MCTP1: variants seen among roughly 807,000 people sequenced by gnomAD.
The protein encoded by MCTP1 is multiple C2 and transmembrane domain-containing protein 1.
A neutral mutation model predicts 120.6 loss-of-function variants in MCTP1; 69 were observed. That is an observed-to-expected ratio of 0.57 (90% CI 0.47 to 0.70). The LOEUF is 0.70. Ranked by LOEUF, MCTP1 falls within the 30% of genes least tolerant of loss-of-function variation. The probability of loss-of-function intolerance (pLI) is 0.00; values close to 1 mark genes in which losing one functional copy is unlikely to be tolerated. For synonymous variants in MCTP1, 529 were observed against 493.1 expected (o/e 1.07, Z -0.96); for missense variants, 1,203 against 1,248.8 (o/e 0.96, Z 0.55).
At chr5:94,958,838 G>A (rs554682478) in intron 2 of MCTP1, among the ~76,000 whole-genome samples, 2 of 152,244 alleles carry the variant, frequency 1.3e-5, no homozygotes, top group African/African-American at 4.8e-5. Context: ...TCTACCAGAG[G>A]TACAAAGAGG....
chr5:95,251,574 G>T (rs891376148), intron 1 of MCTP1, among the ~76,000 whole-genome samples: 3 of 152,104 alleles, frequency 2.0e-5, no homozygotes, highest in Non-Finnish European at 2.9e-5. Flanking sequence ...TTTAAGTTGA[G>T]ATTTCTTATC....
intron 3 of MCTP1, among the ~76,000 whole-genome samples, chr5:94,951,665 A>C (rs886760795): frequency 2.0e-5 from 3 of 151,374 alleles, no homozygotes; most frequent in Admixed American, 2.0e-4. Flanking sequence ...TCTTTTCTTT[A>C]TTCCTTTTTC....
chr5:95,005,307 T>C (rs149509839), intron 2 of MCTP1, among the ~76,000 whole-genome samples: 7 of 152,338 alleles, frequency 4.6e-5, no homozygotes, highest in African/African-American at 1.4e-4. Flanking sequence ...ACTTGCCTTG[T>C]TTCAGATGAG....
In MCTP1 at chr5:94,981,603, T is replaced by G. The variant is rs74586116; in HGVS notation, c.839-28242A>C. 6.5e-3 allele frequency among the ~76,000 whole-genome samples: 991 copies of G among 152,244 alleles called. 11 individuals are homozygous for G. The highest frequency in any genetic ancestry group is 0.023 in the African/African-American group (946 of 41,552). ...GCCAATATATGAGCATACAGTGTGC[T>G]GTGTGGTGATCAGAGCATGGAACAA... On this transcript the variant is annotated intron_variant, in intron 2 of 22. Transcript: ENST00000515393.
chr5:95,116,137 C>A (rs1181805292), intron 1 of MCTP1, among the ~76,000 whole-genome samples: 2 of 151,962 alleles, frequency 1.3e-5, no homozygotes, highest in African/African-American at 4.8e-5. Context: ...CCAGACCTAT[C>A]CTACAAAAAA....
At position 94,783,700 on chromosome 5, in the gene MCTP1, A is replaced by G. The variant is rs149314792; in HGVS notation, c.2557-4537T>C. ...TTGCTTTTTAACACCAATTTAAGGTATATGTTTAATATGACAAGAGGGGGT... is the reference window on the plus strand; with the variant it reads ...TTGCTTTTTAACACCAATTTAAGGTGTATGTTTAATATGACAAGAGGGGGT... On this transcript the variant is annotated intron_variant, in intron 18 of 22. Transcript: ENST00000515393. 5.7e-3 allele frequency among the ~76,000 whole-genome samples: 860 copies of G among 152,196 alleles called. 8 individuals carry two copies. Among genetic ancestry groups the G allele is most frequent in the African/African-American group, 0.02 (820 of 41,568 alleles).
At chr5:94,745,349 G>A (rs1219046590) in intron 19 of MCTP1, among the ~76,000 whole-genome samples, 1 of 152,192 alleles carries the variant, frequency 6.6e-6, no homozygotes, top group Admixed American at 6.5e-5. Context: ...GAGCTGCACT[G>A]GCTTTCCTGT....
At position 95,017,450 on chromosome 5, in the gene MCTP1, T is replaced by C. The variant is rs765670279; in HGVS notation, c.755A>G (p.Glu252Gly). ...CATTCCGGGATCAGCCAAGGGGACTTCTGCATTACTGGTTCCAGCAGTGTT... is the reference window on the plus strand; with the variant it reads ...CATTCCGGGATCAGCCAAGGGGACTCCTGCATTACTGGTTCCAGCAGTGTT... ...IINTAGTSNA[E>G]VPLADPGMYQ... Residue 252 changes from glutamate (E) to glycine (G), a missense_variant, in exon 2 of 23, where the codon GAA becomes GGA. Physicochemically the swap from Glu to Gly is moderately conservative, Grantham distance 98. Coordinates refer to ENST00000515393, the MANE Select transcript of MCTP1 (RefSeq NM_024717.7). 1.9e-6 allele frequency: 3 copies of C among 1,609,780 alleles called. No individual in the cohort carries two copies. The highest frequency in any genetic ancestry group is 2.5e-6 in the Non-Finnish European group (3 of 1,177,330).
intron 2 of MCTP1, among the ~76,000 whole-genome samples, chr5:94,963,050 G>A (rs180818788): frequency 6.6e-6 from 1 of 152,070 alleles, no homozygotes; most frequent in Non-Finnish European, 1.5e-5. Context: ...CCTTTTGTAA[G>A]GGTGCTAATC....
Position 94,918,124 on chromosome 5 carries a change from T to C in MCTP1, c.1273-151A>G, listed in dbSNP as rs1431576040. On this transcript the variant is annotated intron_variant, in intron 7 of 22. Coordinates refer to ENST00000515393, the MANE Select transcript of MCTP1 (RefSeq NM_024717.7). ...CAAGTCACTGTCAGAAAATGTCTTA[T>C]AGCACAATGAAGATAAATGTCAATG... 11 of 612,882 alleles carry C rather than the reference T, an allele frequency of 1.8e-5. No individual in the cohort carries two copies. In the Admixed American group the frequency reaches 2.5e-4, roughly 14 times the overall value. The allele number at this position is 612,882 out of a possible 1,614,324, so 38.0% of individuals were successfully genotyped here. A position where few individuals can be genotyped will look rare whatever the true frequency, so the allele number is the denominator to read the frequency against.
intron 19 of MCTP1, among the ~76,000 whole-genome samples, chr5:94,777,927 C>CGT (rs71615135): frequency 0.23 from 34,389 of 148,668 alleles, 4,150 homozygotes; most frequent in African/African-American, 0.33. Flanking sequence ...AGAAAGTGTG[C>CGT]GTGTGTGTGT....
intron 2 of MCTP1, among the ~76,000 whole-genome samples, chr5:94,973,515 A>T (rs1827369959): frequency 2.6e-5 from 4 of 152,166 alleles, no homozygotes; most frequent in Non-Finnish European, 5.9e-5. Context: ...TGTCTCCATT[A>T]GACCAAAAAT....
At chr5:94,725,572 G>A (rs1274957024) in intron 19 of MCTP1, among the ~76,000 whole-genome samples, 1 of 152,184 alleles carries the variant, frequency 6.6e-6, no homozygotes, top group Non-Finnish European at 1.5e-5. Context: ...TCAAATATGT[G>A]TTTGAACATG....
intron 2 of MCTP1, chr5:94,976,907 TA>T (rs1249439727): frequency 6.6e-6 from 1 of 152,128 alleles, no homozygotes; most frequent in Non-Finnish European, 1.5e-5. Context: ...GACTTTTTTC[TA>T]AGATAAGGAA....
At chr5:94,840,602 G>A (rs1790807971) in intron 17 of MCTP1, among the ~76,000 whole-genome samples, 1 of 152,092 alleles carries the variant, frequency 6.6e-6, no homozygotes, top group African/African-American at 2.4e-5. Flanking sequence ...TTTGGGTTGG[G>A]AGAGGAAAAG....
chr5:95,032,536 A>G (rs1840499223), intron 1 of MCTP1, among the ~76,000 whole-genome samples: 3 of 152,096 alleles, frequency 2.0e-5, no homozygotes, highest in Non-Finnish European at 4.4e-5. Context: ...AATTTTTGAC[A>G]CAAATAAAAA....
intron 2 of MCTP1, among the ~76,000 whole-genome samples, chr5:94,977,471 C>A (rs1202695111): frequency 1.3e-5 from 2 of 151,552 alleles, no homozygotes; most frequent in African/African-American, 2.4e-5. Flanking sequence ...AAAAAAAAAA[C>A]CCTAAAATTC....
intron 19 of MCTP1, among the ~76,000 whole-genome samples, chr5:94,728,296 AAC>A (rs1310864878): frequency 6.6e-6 from 1 of 152,190 alleles, no homozygotes; most frequent in Non-Finnish European, 1.5e-5. Context: ...AACAGGATAA[AAC>A]AGTCTTAAGA....
At chr5:94,776,381 T>C (rs1775329635) in intron 19 of MCTP1, among the ~76,000 whole-genome samples, 3 of 152,132 alleles carry the variant, frequency 2.0e-5, no homozygotes, top group Non-Finnish European at 4.4e-5. Context: ...AGGGAACGCC[T>C]GCCAGGGGTC....
Sources: gnomAD v4.1 joint callset for allele counts (sites outside exome capture counted in the v4.1 genomes callset) on GRCh38, gnomAD v4.1.1 for gene constraint, MANE v1.5 for transcripts, NCBI Gene and HGNC (gene_info 2026-07-23, HGNC 2026-07-21) for gene names.